DLGAP2: variants seen among roughly 807,000 people sequenced by gnomAD.
The protein encoded by DLGAP2 is disks large-associated protein 2.
A neutral mutation model predicts 100.3 loss-of-function variants in DLGAP2; 26 were observed. The observed-to-expected ratio is 0.26, with a 90% confidence interval of 0.19 to 0.36. The LOEUF is 0.36. Ranked by LOEUF, DLGAP2 falls within the 10% of genes least tolerant of loss-of-function variation. The pLI is 1.00. For synonymous variants in DLGAP2, 886 were observed against 630.1 expected, an observed-to-expected ratio of 1.41 and a Z score of -6.08; for missense variants, 1,858 against 1,453.2, an observed-to-expected ratio of 1.28 and a Z score of -4.53.
intron 1 of DLGAP2, among the ~76,000 whole-genome samples, chr8:797,734 G>T (rs1162607374): frequency 6.6e-6 from 1 of 152,030 alleles, no homozygotes; most frequent in Non-Finnish European, 1.5e-5. Context: ...TCAGTCTTTT[G>T]TGTTTTGTTT....
At chr8:851,311 G>C (rs1295780120) in intron 1 of DLGAP2, among the ~76,000 whole-genome samples, 2 of 152,188 alleles carry the variant, frequency 1.3e-5, no homozygotes, top group South Asian at 2.1e-4. Flanking sequence ...AAAGTCGCCT[G>C]GTGACGCATG....
intron 3 of DLGAP2, among the ~76,000 whole-genome samples, chr8:1,438,383 C>T (rs1230338711): frequency 1.3e-5 from 2 of 152,072 alleles, no homozygotes; most frequent in Non-Finnish European, 2.9e-5. Flanking sequence ...AGATTCGCTG[C>T]TTAGGAGGCC....
chr8:1,173,732 A>G (rs551108825), intron 2 of DLGAP2, among the ~76,000 whole-genome samples: 1 of 152,268 alleles, frequency 6.6e-6, no homozygotes, highest in African/African-American at 2.4e-5. Context: ...AGCCCATCGG[A>G]AAAAGCACAG....
chr8:1,417,585 G>A (rs1360757565), intron 3 of DLGAP2, among the ~76,000 whole-genome samples: 1 of 102,414 alleles, frequency 9.8e-6, no homozygotes, highest in Non-Finnish European at 2.1e-5. Flanking sequence ...AGAAAATGCG[G>A]ACAGATAAAT....
At chr8:1,472,343 A>C (rs1270126885) in intron 3 of DLGAP2, among the ~76,000 whole-genome samples, 1 of 152,198 alleles carries the variant, frequency 6.6e-6, no homozygotes, top group Non-Finnish European at 1.5e-5. Flanking sequence ...TCATCCCTTC[A>C]GGCCCTTCTG....
chr8:1,464,343 A>G lies in DLGAP2; in HGVS notation c.107-37023A>G, dbSNP rs372124804. Among the ~76,000 whole-genome samples, 41 of 100,942 alleles carry G rather than the reference A, an allele frequency of 4.1e-4. 7 individuals are homozygous for G. The highest frequency in any genetic ancestry group is 1.3e-3 in the East Asian group (3 of 2,288). 66.2% of individuals were successfully genotyped at this position (100,942 alleles called of 152,430 possible). On this transcript the variant is annotated intron_variant, in intron 3 of 14. Transcript: ENST00000637795. The stretch of plus-strand genomic sequence containing the variant: ...CGCCCTTCCAGGACGGCACCCTTCC[A>G]GGACGGCACCCTTCCAGGACAACGC...
intron 1 of DLGAP2, among the ~76,000 whole-genome samples, chr8:859,256 C>T (rs537166760): frequency 1.4e-3 from 212 of 152,148 alleles, no homozygotes; most frequent in African/African-American, 5.0e-3. Flanking sequence ...GGATCACAGG[C>T]GCACGCCACG....
At chr8:1,565,632 G>A (rs1307798236) in intron 5 of DLGAP2, 51 bp from the exon 6 acceptor site, 8 of 1,476,354 alleles carry the variant, frequency 5.4e-6, no homozygotes, top group Non-Finnish European at 7.4e-6. Context: ...AGCTGATGCT[G>A]CCGTTCTCAG....
chr8:1,637,295 G>C (rs1369022954), intron 8 of DLGAP2, among the ~76,000 whole-genome samples: 2 of 152,118 alleles, frequency 1.3e-5, no homozygotes, highest in African/African-American at 4.8e-5. Context: ...CTGGAAAAAT[G>C]AGCAGCTGGA....
intron 2 of DLGAP2, among the ~76,000 whole-genome samples, chr8:944,297 G>A (rs1022180589): frequency 6.6e-6 from 1 of 151,960 alleles, no homozygotes; most frequent in Non-Finnish European, 1.5e-5. Context: ...GCCCATGTGG[G>A]TGATCCAGTG....
intron 2 of DLGAP2, among the ~76,000 whole-genome samples, chr8:1,001,512 A>C (rs1373704588): frequency 6.6e-6 from 1 of 152,236 alleles, no homozygotes; most frequent in Non-Finnish European, 1.5e-5. Context: ...ATTATAAAAC[A>C]CTGTAATAAT....
intron 2 of DLGAP2, among the ~76,000 whole-genome samples, chr8:1,068,400 G>A (rs748825869): frequency 3.3e-5 from 5 of 152,218 alleles, no homozygotes; most frequent in Non-Finnish European, 7.3e-5. Context: ...ACGCAGCTGC[G>A]TTGTTCACCC....
chr8:964,176 C>T (rs1020119464), intron 2 of DLGAP2, among the ~76,000 whole-genome samples: 1 of 152,124 alleles, frequency 6.6e-6, no homozygotes, highest in Admixed American at 6.5e-5. Context: ...TGTTTTTAAA[C>T]CCCAAATTTT....
chr8:1,171,766 C>G (rs902027251), intron 2 of DLGAP2, among the ~76,000 whole-genome samples: 1 of 151,632 alleles, frequency 6.6e-6, no homozygotes. Context: ...TTATTTTGAG[C>G]CTATATGTGT....
chr8:1,077,270 G>A (rs908423187), intron 2 of DLGAP2, among the ~76,000 whole-genome samples: 14 of 152,164 alleles, frequency 9.2e-5, no homozygotes, highest in African/African-American at 3.4e-4. Flanking sequence ...AGCAGCCCCT[G>A]TTTCTAAACG....
At chr8:1,524,818 C>A (rs1800735846) in intron 4 of DLGAP2, among the ~76,000 whole-genome samples, 2 of 152,288 alleles carry the variant, frequency 1.3e-5, no homozygotes, top group South Asian at 2.1e-4. Flanking sequence ...GTCCTTCCGT[C>A]TGCATCACTC....
At chr8:1,508,006 C>A (rs969182756) in intron 4 of DLGAP2, among the ~76,000 whole-genome samples, 1 of 151,920 alleles carries the variant, frequency 6.6e-6, no homozygotes, top group Non-Finnish European at 1.5e-5. Flanking sequence ...AGGAAAGGGG[C>A]CCTGAGGTGC....
chr8:813,480 C>G (rs1274395319), intron 1 of DLGAP2, among the ~76,000 whole-genome samples: 2 of 152,142 alleles, frequency 1.3e-5, no homozygotes, highest in Non-Finnish European at 2.9e-5. Flanking sequence ...GAAATAGAAA[C>G]ATGAACTCTG....
At chr8:1,252,737 C>A (rs3923942) in intron 2 of DLGAP2, among the ~76,000 whole-genome samples, 69,271 of 152,250 alleles carry the variant, frequency 0.45, 16,127 homozygotes, top group East Asian at 0.71. Flanking sequence ...GGCAGGCCTG[C>A]TGTCATCTAG....
Sources: allele counts gnomAD v4.1 joint callset (sites outside exome capture counted in the v4.1 genomes callset), GRCh38; gene constraint gnomAD v4.1.1; transcripts MANE v1.5; gene names NCBI Gene and HGNC (gene_info 2026-07-23, HGNC 2026-07-21).